CTNNA2: variants seen among roughly 807,000 people sequenced by gnomAD.
CTNNA2 encodes the protein catenin alpha 2.
CTNNA2 carries 42 observed loss-of-function variants against 101.0 expected under a neutral mutation model. The observed-to-expected ratio is 0.42, with a 90% CI of 0.32 to 0.54. The LOEUF (loss-of-function observed/expected upper bound fraction) is 0.54. CTNNA2 is among the 20% of genes least tolerant of loss of function. The pLI is 0.14. For synonymous variants in CTNNA2, 450 were observed against 456.4 expected (o/e 0.99, Z 0.18); for missense variants, 871 against 1,223.1 (o/e 0.71, Z 4.29).
intron 2 of CTNNA2, among the ~76,000 whole-genome samples, chr2:79,264,227 C>T (rs1056030442): frequency 6.6e-6 from 1 of 152,096 alleles, no homozygotes; most frequent in Admixed American, 6.6e-5. Flanking sequence ...GGGTGAGAGC[C>T]AGTTGTATCT....
intron 7 of CTNNA2, among the ~76,000 whole-genome samples, chr2:80,284,053 A>G (rs1047687341): frequency 6.6e-6 from 1 of 152,120 alleles, no homozygotes; most frequent in African/African-American, 2.4e-5. Flanking sequence ...AGTGGAAGAG[A>G]TTCTGCCTTC....
At chr2:80,297,214 A>G (rs1675823654) in intron 7 of CTNNA2, among the ~76,000 whole-genome samples, 1 of 152,200 alleles carries the variant, frequency 6.6e-6, no homozygotes, top group South Asian at 2.1e-4. Context: ...TTCCCAGTCT[A>G]GTTCTAGGCT....
chr2:79,574,965 G>C (rs1057260724), intron 1 of CTNNA2, among the ~76,000 whole-genome samples: 6 of 152,154 alleles, frequency 3.9e-5, no homozygotes, highest in African/African-American at 1.2e-4. Context: ...TGAATGATTA[G>C]TGATGTTGAG....
intron 8 of CTNNA2, among the ~76,000 whole-genome samples, chr2:80,407,871 C>T (rs750799034): frequency 5.3e-5 from 8 of 152,212 alleles, no homozygotes; most frequent in Middle Eastern, 3.4e-3. Flanking sequence ...GTATTGCATA[C>T]GGCAGCAGAA....
At chr2:79,574,766 GT>G (rs1367753495) in intron 1 of CTNNA2, among the ~76,000 whole-genome samples, 2 of 152,156 alleles carry the variant, frequency 1.3e-5, no homozygotes, top group Non-Finnish European at 2.9e-5. Context: ...TGGTTATTCT[GT>G]TTTAAGTTAT....
rs183107932 is a variant in CTNNA2 at position 79,357,945 on chromosome 2, G to C, written c.-317-15886G>C. On this transcript the variant is annotated intron_variant, in intron 3 of 21. Coordinates refer to the CTNNA2 transcript ENST00000466387. ...CTCCTTTGCTACAATCCTAAATCTT[G>C]GTCTTTCCCTTGACTCTATCTTATT... 3.5e-3 allele frequency among the ~76,000 whole-genome samples: 525 copies of C among 151,946 alleles called. 3 individuals carry two copies. Among genetic ancestry groups the C allele is most frequent in the Admixed American group, 6.9e-3 (105 of 15,252 alleles).
At chr2:80,274,500 C>G (rs1354677901) in intron 7 of CTNNA2, among the ~76,000 whole-genome samples, 1 of 152,170 alleles carries the variant, frequency 6.6e-6, no homozygotes, top group African/African-American at 2.4e-5. Context: ...TTCTCTGCTT[C>G]TATTCTTCTC....
chr2:79,513,962 G>A (rs1283122812), intron 1 of CTNNA2, among the ~76,000 whole-genome samples: 1 of 152,018 alleles, frequency 6.6e-6, no homozygotes, highest in Non-Finnish European at 1.5e-5. Flanking sequence ...AAGGGAGGTG[G>A]CAGTGGAAGC....
intron 3 of CTNNA2, among the ~76,000 whole-genome samples, chr2:79,368,420 C>A (rs917029912): frequency 6.6e-6 from 1 of 152,178 alleles, no homozygotes; most frequent in Non-Finnish European, 1.5e-5. Context: ...TAAAGCCTTC[C>A]CACAGTGTCA....
In CTNNA2 at chr2:79,930,242, C is replaced by CAAAG. The variant is rs141730925; in HGVS notation, c.1056+20479_1056+20482dup. Among the ~76,000 whole-genome samples the CAAAG allele has an allele frequency of 1.8e-3, 145 of 82,604 alleles. 5 individuals carry two copies. Among genetic ancestry groups the CAAAG allele is most frequent in the African/African-American group, 5.8e-3 (131 of 22,702 alleles). The allele number at this position is 82,604 out of a possible 152,430, so 54.2% of individuals were successfully genotyped here. A position where few individuals can be genotyped will look rare whatever the true frequency, so the allele number is the denominator to read the frequency against. ...TGGGTGACAGAGCGAGACTCTGTCTCAAAGAAAGAAAGAAAGAAAGAAAGA... is the reference window on the plus strand; with the variant it reads ...TGGGTGACAGAGCGAGACTCTGTCTCAAAGAAAGAAAGAAAGAAAGAAAGAAAGA... On this transcript the variant is annotated intron_variant, in intron 7 of 18. Transcript: ENST00000402739.
chr2:80,512,256 A>G (rs1383711140), intron 9 of CTNNA2, among the ~76,000 whole-genome samples: 2 of 152,140 alleles, frequency 1.3e-5, no homozygotes, highest in Middle Eastern at 3.2e-3. Context: ...TTAAAAATAT[A>G]CAAATAAATA....
chr2:79,291,645 C>A (rs1007265369), intron 2 of CTNNA2, among the ~76,000 whole-genome samples: 1 of 152,076 alleles, frequency 6.6e-6, no homozygotes, highest in Non-Finnish European at 1.5e-5. Context: ...GCTACTGGTC[C>A]CTGTCTTTTG....
At chr2:79,212,930 A>G (rs1674194742) in intron 2 of CTNNA2, among the ~76,000 whole-genome samples, 1 of 152,158 alleles carries the variant, frequency 6.6e-6, no homozygotes, top group Non-Finnish European at 1.5e-5. Flanking sequence ...TTCCTTGAGG[A>G]TAGATTTCCA....
chr2:79,656,350 T>G (rs866688828), intron 2 of CTNNA2, among the ~76,000 whole-genome samples: 2 of 152,262 alleles, frequency 1.3e-5, no homozygotes, highest in Non-Finnish European at 2.9e-5. Flanking sequence ...AAGGCCCCAG[T>G]TGTATCAAAC....
At chr2:79,918,123 T>C (rs2104367085) in intron 7 of CTNNA2, among the ~76,000 whole-genome samples, 1 of 152,304 alleles carries the variant, frequency 6.6e-6, no homozygotes, top group South Asian at 2.1e-4. Context: ...TCAATACTTC[T>C]ATCTCATTCC....
chr2:79,276,951 C>T (rs749824268), intron 2 of CTNNA2, among the ~76,000 whole-genome samples: 32 of 152,292 alleles, frequency 2.1e-4, no homozygotes, highest in Non-Finnish European at 4.4e-4. Context: ...TGTGCACACA[C>T]ACACATGCAA....
chr2:79,471,881 G>A (rs1281263314), intron 4 of CTNNA2, among the ~76,000 whole-genome samples: 2 of 151,942 alleles, frequency 1.3e-5, no homozygotes, highest in Non-Finnish European at 2.9e-5. Flanking sequence ...TTGTGGGGAG[G>A]CACATTTATT....
At chr2:80,525,555 A>G (rs929362791) in intron 9 of CTNNA2, among the ~76,000 whole-genome samples, 3 of 152,194 alleles carry the variant, frequency 2.0e-5, no homozygotes, top group Non-Finnish European at 2.9e-5. Flanking sequence ...CCCTGAATTC[A>G]GCTAAGCCTG....
At chr2:79,851,737 C>CTT (rs11399192) in intron 3 of CTNNA2, among the ~76,000 whole-genome samples, 3,793 of 87,146 alleles carry the variant, frequency 0.044, 232 homozygotes, top group African/African-American at 0.093. Flanking sequence ...TTTTCTTTTC[C>CTT]TTTTTTTTTT....
Sources: gnomAD v4.1 joint callset for allele counts (sites outside exome capture counted in the v4.1 genomes callset) on GRCh38, gnomAD v4.1.1 for gene constraint, MANE v1.5 for transcripts, NCBI Gene and HGNC (gene_info 2026-07-23, HGNC 2026-07-21) for gene names.